Variants in DPP6 observed in about 807,000 individuals in gnomAD.
DPP6 encodes the protein dipeptidyl peptidase like 6, also known as A-type potassium channel modulatory protein DPP6.
In DPP6, 69 loss-of-function variants were observed where a neutral mutation model predicts 122.6. The ratio of observed to expected loss-of-function variants is 0.56; its 90% CI spans 0.46 to 0.69. The LOEUF is 0.69. DPP6 is among the 30% of genes least tolerant of loss of function. The pLI is 0.00. For missense variants in DPP6, 928 were observed against 1,116.9 expected (o/e 0.83, Z 2.41); for synonymous variants, 418 against 433.1 (o/e 0.97, Z 0.43).
chr7:154,509,263 A>G (rs796334668), intron 3 of DPP6, among the ~76,000 whole-genome samples: 7 of 152,368 alleles, frequency 4.6e-5, no homozygotes, highest in African/African-American at 1.7e-4. Context: ...AGACTATATA[A>G]GAATGCTTAA....
At chr7:154,727,179 A>G (rs567851143) in intron 7 of DPP6, among the ~76,000 whole-genome samples, 19 of 152,338 alleles carry the variant, frequency 1.2e-4, no homozygotes, top group African/African-American at 4.3e-4. Flanking sequence ...AAGAGGTTTA[A>G]TTGACTCATG....
At chr7:154,372,227 G>A (rs897080163) in intron 1 of DPP6, among the ~76,000 whole-genome samples, 6 of 152,156 alleles carry the variant, frequency 3.9e-5, no homozygotes, top group Admixed American at 2.6e-4. Flanking sequence ...GCTGGTGCTC[G>A]CTAATCATGG....
chr7:154,382,807 C>A (rs1332042428), intron 1 of DPP6, among the ~76,000 whole-genome samples: 2 of 152,292 alleles, frequency 1.3e-5, no homozygotes, highest in East Asian at 1.9e-4. Flanking sequence ...TCTCAGCTCA[C>A]CTCTGCCTCC....
At chr7:153,843,280 G>GCACACACA in the DPP6 span, among the ~76,000 whole-genome samples, 800 of 113,430 alleles carry the variant, frequency 7.1e-3, 6 homozygotes, top group African/African-American at 0.021. Context: ...ATGCGCGCGC[G>GCACACACA]CACACACACA....
chr7:154,238,904 T>C (rs1801392175), intron 1 of DPP6, among the ~76,000 whole-genome samples: 1 of 152,240 alleles, frequency 6.6e-6, no homozygotes, highest in Admixed American at 6.5e-5. Context: ...GCTTCAAATA[T>C]AAATCACCTC....
intron 1 of DPP6, among the ~76,000 whole-genome samples, chr7:154,054,945 T>C (rs1800686516): frequency 6.6e-6 from 1 of 152,076 alleles, no homozygotes; most frequent in African/African-American, 2.4e-5. Context: ...GGAGTATACA[T>C]GTCCTTCTTT....
intron 3 of DPP6, among the ~76,000 whole-genome samples, chr7:154,484,085 T>C (rs1823578536): frequency 6.6e-6 from 1 of 152,202 alleles, no homozygotes; most frequent in Non-Finnish European, 1.5e-5. Flanking sequence ...GAGGATTCTT[T>C]AGGCCTTTTA....
At chr7:154,805,977 G>A (rs1479032224) in intron 15 of DPP6, among the ~76,000 whole-genome samples, 2 of 152,308 alleles carry the variant, frequency 1.3e-5, no homozygotes, top group East Asian at 1.9e-4. Context: ...TGTTGCCCCC[G>A]CCCCACTGCT....
chr7:153,929,705 G>T (rs1801085979), intron 1 of DPP6, among the ~76,000 whole-genome samples: 1 of 152,134 alleles, frequency 6.6e-6, no homozygotes, highest in Admixed American at 6.5e-5. Context: ...CTGCACACTT[G>T]TCTGTTCTCT....
At chr7:154,810,735 C>T (rs1799007234) in intron 16 of DPP6, among the ~76,000 whole-genome samples, 1 of 152,030 alleles carries the variant, frequency 6.6e-6, no homozygotes, top group African/African-American at 2.4e-5. Flanking sequence ...TACAGCCACA[C>T]TGGGTCACAC....
At chr7:154,684,867 AT>A in intron 7 of DPP6, among the ~76,000 whole-genome samples, 2 of 152,336 alleles carry the variant, frequency 1.3e-5, no homozygotes, top group East Asian at 3.9e-4. Context: ...CTTCCTGTAA[AT>A]CTAATCATCA....
At chr7:153,871,106 C>A in the DPP6 span, among the ~76,000 whole-genome samples, 1 of 152,184 alleles carries the variant, frequency 6.6e-6, no homozygotes, top group Admixed American at 6.5e-5. Context: ...CAGGAACCCA[C>A]GTGAGGAGGC....
chr7:153,774,039 T>C, the DPP6 span, among the ~76,000 whole-genome samples: 1 of 152,076 alleles, frequency 6.6e-6, no homozygotes, highest in South Asian at 2.1e-4. Flanking sequence ...GCCCATAAGC[T>C]TATAAAAGGC....
At chr7:154,159,858 C>G (rs1796890175) in intron 1 of DPP6, among the ~76,000 whole-genome samples, 1 of 151,832 alleles carries the variant, frequency 6.6e-6, no homozygotes, top group Non-Finnish European at 1.5e-5. Context: ...CCTGTAATCC[C>G]AGCACTTTGG....
intron 15 of DPP6, among the ~76,000 whole-genome samples, chr7:154,805,598 A>G (rs894059698): frequency 2.0e-5 from 3 of 152,244 alleles, no homozygotes; most frequent in African/African-American, 7.2e-5. Flanking sequence ...TCCCTTCTCA[A>G]CAGCCCAACT....
chr7:154,398,626 C>G (rs997524180), intron 1 of DPP6, among the ~76,000 whole-genome samples: 4 of 152,266 alleles, frequency 2.6e-5, no homozygotes, highest in African/African-American at 9.6e-5. Flanking sequence ...CTCTCTCTCT[C>G]TCTCCTGGTT....
At chr7:154,082,149 TC>T (rs1372418400) in intron 1 of DPP6, among the ~76,000 whole-genome samples, 1 of 152,094 alleles carries the variant, frequency 6.6e-6, no homozygotes, top group Non-Finnish European at 1.5e-5. Context: ...TTGGAGCCAG[TC>T]CCCCTAGAGA....
At chr7:154,111,756 T>C (rs1249787407) in intron 1 of DPP6, among the ~76,000 whole-genome samples, 2 of 152,118 alleles carry the variant, frequency 1.3e-5, no homozygotes, top group Non-Finnish European at 2.9e-5. Flanking sequence ...CATCTGAATA[T>C]GGCTGAAGCA....
At chr7:154,506,124 G>C (rs1290726679) in intron 3 of DPP6, among the ~76,000 whole-genome samples, 1 of 152,054 alleles carries the variant, frequency 6.6e-6, no homozygotes, top group Non-Finnish European at 1.5e-5. Flanking sequence ...AGTTGATTTT[G>C]ACAATGTTTG....
Sources: gnomAD v4.1 joint callset for allele counts (sites outside exome capture counted in the v4.1 genomes callset) on GRCh38, gnomAD v4.1.1 for gene constraint, MANE v1.5 for transcripts, NCBI Gene and HGNC (gene_info 2026-07-23, HGNC 2026-07-21) for gene names.